The following SLC66A1 variants were observed in gnomAD, a reference collection of about 807,000 sequenced individuals.
SLC66A1 encodes lysosomal amino acid transporter 1 homolog.
Under a neutral mutation model 33.0 loss-of-function variants are expected in SLC66A1, and 23 were observed. That is an observed-to-expected ratio of 0.70 (90% CI 0.50 to 0.99). The LOEUF is 0.99. Among genes scored for constraint, SLC66A1 ranks in the 50% least tolerant of loss-of-function variants. SLC66A1 has a pLI of 0.00. For synonymous variants in SLC66A1, 164 were observed against 175.5 expected (o/e 0.93, Z 0.52); for missense variants, 335 against 383.6 (o/e 0.87, Z 1.06).
rs1395493303 is a variant in SLC66A1, at chr1:19,326,398, G to A, written c.525+11G>A. The A allele has an allele frequency of 1.2e-6, 2 of 1,606,202 alleles. No individual in the cohort carries two copies. Among genetic ancestry groups the A allele is most frequent in the Admixed American group, 1.7e-5 (1 of 59,686 alleles). ...GAGTCGGGCAGCAAGGTGAGGCGTGGGCGTGGCGGTCGAAGGGATGGAGGC... is the reference window on the plus strand; with the variant it reads ...GAGTCGGGCAGCAAGGTGAGGCGTGAGCGTGGCGGTCGAAGGGATGGAGGC... On this transcript the variant is annotated intron_variant, in intron 5 of 7. Coordinates refer to ENST00000375153, the MANE Select transcript of SLC66A1 (RefSeq NM_001040125.2).
intron 1 of SLC66A1, among the ~76,000 whole-genome samples, chr1:19,314,827 G>A (rs1202620742): frequency 6.6e-6 from 1 of 152,234 alleles, no homozygotes; most frequent in African/African-American, 2.4e-5. Flanking sequence ...TGGTGGCTGA[G>A]AACATGAGGA....
chr1:19,313,063 C>G, intron 1 of SLC66A1, 174 bp downstream of exon 1: 1 of 295,228 alleles, frequency 3.4e-6, no homozygotes, highest in Non-Finnish European at 5.0e-6. Flanking sequence ...GTGTTGAGTG[C>G]CAGTGCCAGG....
At chr1:19,315,437 C>T (rs1434250219) in intron 1 of SLC66A1, among the ~76,000 whole-genome samples, 1 of 152,232 alleles carries the variant, frequency 6.6e-6, no homozygotes, top group Admixed American at 6.5e-5. Flanking sequence ...TCTCTGCCCA[C>T]AGCGAGTCAC....
chr1:19,332,430 C>T (rs1030178567), downstream of SLC66A1, among the ~76,000 whole-genome samples: 1 of 152,184 alleles, frequency 6.6e-6, no homozygotes, highest in Non-Finnish European at 1.5e-5. Context: ...TGCTTGTCAT[C>T]AGGGGGCTTA....
chr1:19,320,435 T>TTTTTC (rs2093828717), intron 2 of SLC66A1, among the ~76,000 whole-genome samples: 1 of 114,950 alleles, frequency 8.7e-6, no homozygotes. Flanking sequence ...TTTTTTTTTT[T>TTTTTC]GACAGTCTCG....
rs752312752 is a variant in SLC66A1, at chr1:19,317,739, G to A, written c.62G>A (p.Trp21Ter). Residue 21 changes from tryptophan (W) to a stop codon, truncating the protein, a stop_gained, in exon 2 of 8, where the codon TGG becomes TAG. Transcript: ENST00000375153. LOFTEE classifies it high-confidence loss of function. Reference protein sequence around the residue: ...FSSCPSGSIQWIWDVLGECAQ... With the variant: ...FSSCPSGSIQ ...AGCTGCCCCAGTGGCTCCATCCAGTGGATATGGGATGTGTTGGGTGAATGT... is the reference window on the plus strand; with the variant it reads ...AGCTGCCCCAGTGGCTCCATCCAGTAGATATGGGATGTGTTGGGTGAATGT... 6.2e-7 allele frequency: 1 copy of A among 1,614,214 alleles called. No individual in the cohort carries two copies.
rs549715310 is a variant in SLC66A1 at position 19,320,636 on chromosome 1, C to T, written c.164+2795C>T. Among the ~76,000 whole-genome samples, 9 of 151,818 alleles carry T rather than the reference C, an allele frequency of 5.9e-5. No individual in the cohort carries two copies. The South Asian group carries it at 1.2e-3, about 21-fold the overall frequency. On this transcript the variant is annotated intron_variant, in intron 2 of 7. Transcript: ENST00000375153. ...TTCACCGTGTTAGCCAGGATGGTCT[C>T]GATTTCCTGACCTTGTGATCCGCCC... is the stretch of plus-strand genomic sequence containing the variant.
At position 19,317,936 on chromosome 1, in the gene SLC66A1, C is replaced by T. The variant is rs560363591; in HGVS notation, c.164+95C>T. ...CAGCGAGGGGTTGTCTGGTGGGCCACGGGCCTCTCCAGACTAGAGGCTGGG... is the reference window on the plus strand; with the variant it reads ...CAGCGAGGGGTTGTCTGGTGGGCCATGGGCCTCTCCAGACTAGAGGCTGGG... On this transcript the variant is annotated intron_variant, in intron 2 of 7. Coordinates refer to ENST00000375153, the MANE Select transcript of SLC66A1 (RefSeq NM_001040125.2). 45 of 1,518,236 alleles carry T rather than the reference C, an allele frequency of 3.0e-5. No individual in the cohort carries two copies. In the African/African-American group the frequency reaches 3.2e-4, roughly 11 times the overall value. 94.0% of individuals were successfully genotyped at this position (1,518,236 alleles called of 1,614,324 possible). A position where few individuals can be genotyped will look rare whatever the true frequency, so the allele number is the denominator to read the frequency against.
At chr1:19,315,490 C>T (rs1245704816) in intron 1 of SLC66A1, among the ~76,000 whole-genome samples, 1 of 152,206 alleles carries the variant, frequency 6.6e-6, no homozygotes, top group African/African-American at 2.4e-5. Context: ...GAGGTGCTGA[C>T]TCACTTCCTT....
At chr1:19,327,759 C>T (rs2093877190) in intron 7 of SLC66A1, 1 of 450,016 alleles carries the variant, frequency 2.2e-6, no homozygotes, top group Non-Finnish European at 4.6e-6. Flanking sequence ...AGCGTCTAGC[C>T]AGGGACCGTC....
At chr1:19,315,775 C>T (rs912027178) in intron 1 of SLC66A1, among the ~76,000 whole-genome samples, 1 of 152,204 alleles carries the variant, frequency 6.6e-6, no homozygotes, top group Non-Finnish European at 1.5e-5. Context: ...TCTTCTGCTT[C>T]GCTGGTGACA....
At position 19,325,569 on chromosome 1, in the gene SLC66A1, G is replaced by A. The variant is rs11558390; in HGVS notation, c.369G>A (p.Thr123=). 0.27 allele frequency: 434,215 copies of A among 1,593,878 alleles called. 62,035 individuals are homozygous for A. The highest frequency in any genetic ancestry group is 0.32 in the South Asian group (29,050 of 90,696). The change falls in exon 4 of 8, where the codon ACG becomes ACA. Residue 123 remains threonine, a synonymous_variant. Transcript: ENST00000375153. ...LTLYFYYKFR[T]RPSLLSAPIN... ...TGTACTTTTACTACAAGTTCAGGAC[G>A]CGCCCCTCTCTGTGTGAGTATGGGG...
chr1:19,321,169 C>T (rs917032435), intron 2 of SLC66A1, among the ~76,000 whole-genome samples: 11 of 82,116 alleles, frequency 1.3e-4, no homozygotes, highest in South Asian at 5.0e-4. Context: ...CTTATCTCTT[C>T]TTTTTTTTTT....
At chr1:19,324,903 C>T (rs972553230) in intron 3 of SLC66A1, 141 bp downstream of exon 3, 3 of 1,208,232 alleles carry the variant, frequency 2.5e-6, no homozygotes, top group Non-Finnish European at 3.4e-6. Flanking sequence ...AGGGCCCCAT[C>T]CTTCTGTCTG....
chr1:19,333,899 CAAACA>C (rs71008144), downstream of SLC66A1, among the ~76,000 whole-genome samples: 1,402 of 98,374 alleles, frequency 0.014, 18 homozygotes, highest in Middle Eastern at 0.059. This position sits in a 1 kb window ranked among gnomAD's most constrained non-coding sequence, Gnocchi z 4.2. Flanking sequence ...GACCTTGTCT[CAAACA>C]AAACAAAACA....
At chr1:19,331,370 C>T (rs2093892111), downstream of SLC66A1, among the ~76,000 whole-genome samples, 1 of 152,122 alleles carries the variant, frequency 6.6e-6, no homozygotes, top group Non-Finnish European at 1.5e-5. Context: ...CACAATTGAG[C>T]AGCTTGCCCA....
At chr1:19,324,200 G>A (rs1028690601) in intron 2 of SLC66A1, among the ~76,000 whole-genome samples, 2 of 152,232 alleles carry the variant, frequency 1.3e-5, no homozygotes, top group Non-Finnish European at 2.9e-5. Flanking sequence ...CCAGGCCTTC[G>A]GCCCGCACGT....
At chr1:19,323,037 C>T (rs1016226116) in intron 2 of SLC66A1, among the ~76,000 whole-genome samples, 1 of 152,054 alleles carries the variant, frequency 6.6e-6, no homozygotes, top group Non-Finnish European at 1.5e-5. Context: ...CCCCACTCCA[C>T]ACTTGGCTAA....
rs750197116 is a variant in SLC66A1 at position 19,324,662 on chromosome 1, A to G, written c.194A>G (p.Asn65Ser). The change falls in exon 3 of 8, where the codon AAC (asparagine) becomes AGC (serine). Residue 65 changes from asparagine (N) to serine (S), a missense_variant. By Grantham distance (46) the Asn-to-Ser change is conservative. Transcript: ENST00000375153. ...TTCATCAAAGCCTACAAGACGGGCA[A>G]CATGGACCAGGCGCTGTCCCTGTGG... is the stretch of plus-strand genomic sequence containing the variant. ...PQFIKAYKTG[N>S]MDQALSLWFL... 1.2e-6 allele frequency: 2 copies of G among 1,614,206 alleles called. No homozygotes were observed.
Sources: allele counts gnomAD v4.1 joint callset (sites outside exome capture counted in the v4.1 genomes callset), GRCh38; gene constraint gnomAD v4.1.1; non-coding constraint Gnocchi (gnomAD v3.1); transcripts MANE v1.5; gene names NCBI Gene and HGNC (gene_info 2026-07-23, HGNC 2026-07-21).